Variants in STK32B observed in about 807,000 individuals in gnomAD.
The protein encoded by STK32B is serine/threonine kinase 32B, also known as serine/threonine-protein kinase 32B.
STK32B carries 43 observed loss-of-function variants against 52.6 expected under a neutral mutation model. That is an observed-to-expected ratio of 0.82 (90% CI 0.64 to 1.05). The LOEUF (loss-of-function observed/expected upper bound fraction) is 1.05, where lower values mean the gene tolerates loss of function less well. Ranked by LOEUF, STK32B falls within the 50% of genes least tolerant of loss-of-function variation. The pLI is 0.00. For synonymous variants in STK32B, 238 were observed against 204.3 expected (o/e 1.17, Z -1.41); for missense variants, 621 against 534.6 (o/e 1.16, Z -1.59).
At chr4:5,164,454 C>T (rs1301463470) in intron 2 of STK32B, among the ~76,000 whole-genome samples, 1 of 152,210 alleles carries the variant, frequency 6.6e-6, no homozygotes, top group Non-Finnish European at 1.5e-5. Context: ...AACTTAATTA[C>T]ATCTGCAAAG....
Position 5,398,351 on chromosome 4 carries a change from T to C in STK32B, c.472+107T>C, listed in dbSNP as rs963611042. On this transcript the variant is annotated intron_variant, in intron 5 of 11. Coordinates refer to ENST00000282908, the MANE Select transcript of STK32B (RefSeq NM_018401.3). The surrounding 1 kb of genome is among the most constrained non-coding windows in gnomAD (Gnocchi z 4.9). ...GTCTTGCTGAGTTGGACATTAGCATTGGCTAGAAACCTTCTCTTGTTTCAA... is the reference window on the plus strand; with the variant it reads ...GTCTTGCTGAGTTGGACATTAGCATCGGCTAGAAACCTTCTCTTGTTTCAA... 3.4e-6 allele frequency: 4 copies of C among 1,169,992 alleles called. No homozygotes were observed. In the East Asian group the frequency reaches 9.4e-5, roughly 28 times the overall value. 72.5% of individuals were successfully genotyped at this position (1,169,992 alleles called of 1,614,324 possible).
intron 3 of STK32B, among the ~76,000 whole-genome samples, chr4:5,276,980 T>A (rs1252810545): frequency 1.3e-5 from 2 of 152,212 alleles, no homozygotes; most frequent in Admixed American, 1.3e-4. Flanking sequence ...TTGGACTGGT[T>A]CCCACTGAAG....
chr4:5,216,716 C>T (rs1422199651), intron 3 of STK32B, among the ~76,000 whole-genome samples: 1 of 152,178 alleles, frequency 6.6e-6, no homozygotes, highest in Non-Finnish European at 1.5e-5. Context: ...GCTGAAGGAG[C>T]TGGAGGTGCC....
intron 4 of STK32B, among the ~76,000 whole-genome samples, chr4:5,393,637 A>T (rs1736712290): frequency 6.6e-6 from 1 of 152,138 alleles, no homozygotes; most frequent in Admixed American, 6.5e-5. Flanking sequence ...ACACTTTTAA[A>T]CAACCACAAC....
chr4:5,468,158 A>T (rs947796848), intron 11 of STK32B, 88 bp downstream of exon 11: 12 of 1,385,668 alleles, frequency 8.7e-6, no homozygotes, highest in African/African-American at 2.8e-5. Flanking sequence ...CTGCCCCCCA[A>T]ACCGGCCTTG....
chr4:5,170,561 G>A (rs1719288316), intron 3 of STK32B, among the ~76,000 whole-genome samples: 1 of 151,920 alleles, frequency 6.6e-6, no homozygotes, highest in African/African-American at 2.4e-5. Context: ...CATGCAGTGT[G>A]TGGTTTCTTG....
chr4:5,286,359 G>C (rs993269840), intron 3 of STK32B, among the ~76,000 whole-genome samples: 1 of 152,176 alleles, frequency 6.6e-6, no homozygotes, highest in African/African-American at 2.4e-5. Flanking sequence ...CTATGGAGAA[G>C]TGCACAAATG....
intron 2 of STK32B, among the ~76,000 whole-genome samples, chr4:5,165,049 G>C (rs1465347539): frequency 6.6e-6 from 1 of 152,138 alleles, no homozygotes. Flanking sequence ...CCTGACTCCT[G>C]GTGTAGCTCT....
intron 3 of STK32B, among the ~76,000 whole-genome samples, chr4:5,197,994 C>G (rs1721824236): frequency 6.6e-6 from 1 of 151,840 alleles, no homozygotes; most frequent in Non-Finnish European, 1.5e-5. Context: ...TTAGAATTCA[C>G]TGCATTTTTT....
intron 3 of STK32B, among the ~76,000 whole-genome samples, chr4:5,236,043 G>A (rs1341224391): frequency 6.6e-6 from 1 of 152,220 alleles, no homozygotes; most frequent in African/African-American, 2.4e-5. Flanking sequence ...GGGGGTGGGT[G>A]TCTGCAGGGG....
chr4:5,202,618 AG>A (rs1560221734), intron 3 of STK32B, among the ~76,000 whole-genome samples: 1 of 152,246 alleles, frequency 6.6e-6, no homozygotes, highest in African/African-American at 2.4e-5. Flanking sequence ...CTGGACACCC[AG>A]GCATTTCCAT....
chr4:5,062,093 T>A (rs561005980), intron 1 of STK32B, among the ~76,000 whole-genome samples: 1 of 152,312 alleles, frequency 6.6e-6, no homozygotes, highest in South Asian at 2.1e-4. Context: ...CCTCAGTATT[T>A]ATCTGTACAC....
At position 5,122,417 on chromosome 4, in the gene STK32B, T is replaced by C. The variant is rs111066720; in HGVS notation, c.53-17488T>C. 8.9e-3 allele frequency among the ~76,000 whole-genome samples: 1,347 copies of C among 152,156 alleles called. 16 individuals are homozygous for C. Among genetic ancestry groups the C allele is most frequent in the African/African-American group, 0.027 (1,138 of 41,516 alleles). ...ATTCATTCACTCACTCACTCATTCA[T>C]TCACTCATTAACCTACTTCACTCAT... is the stretch of plus-strand genomic sequence containing the variant. On this transcript the variant is annotated intron_variant, in intron 1 of 11. Coordinates refer to ENST00000282908, the MANE Select transcript of STK32B (RefSeq NM_018401.3).
intron 4 of STK32B, among the ~76,000 whole-genome samples, chr4:5,374,934 G>A (rs1438852568): frequency 6.6e-6 from 1 of 152,206 alleles, no homozygotes; most frequent in Non-Finnish European, 1.5e-5. Flanking sequence ...AGATTAGCAA[G>A]CGTCCAAAGT....
chr4:5,346,294 C>T (rs1473058036), intron 4 of STK32B, among the ~76,000 whole-genome samples: 2 of 152,144 alleles, frequency 1.3e-5, no homozygotes, highest in African/African-American at 2.4e-5. Flanking sequence ...AAAGGCTCAT[C>T]GCTCATTTAA....
At chr4:5,463,776 C>T (rs1717217902) in intron 9 of STK32B, among the ~76,000 whole-genome samples, 1 of 152,256 alleles carries the variant, frequency 6.6e-6, no homozygotes, top group African/African-American at 2.4e-5. Context: ...TTGCACAGGC[C>T]GCTTTCTCTT....
At position 5,446,715 on chromosome 4, in the gene STK32B, A is replaced by G. The variant is rs1326373944; in HGVS notation, c.605A>G (p.Tyr202Cys). 1 of 1,613,822 alleles carries G rather than the reference A, an allele frequency of 6.2e-7. No homozygotes were observed. The highest frequency in any genetic ancestry group is 8.5e-7 in the Non-Finnish European group (1 of 1,179,990). Residue 202 changes from tyrosine (Y) to cysteine (C), a missense_variant, in exon 7 of 12, where the codon TAC becomes TGC. Tyr to Cys is a radical substitution (Grantham distance 194). Coordinates refer to ENST00000282908, the MANE Select transcript of STK32B (RefSeq NM_018401.3). ...FQVYMDRGPG[Y>C]SYPVDWWSLG... ...GTGTACATGGACAGAGGCCCCGGAT[A>G]CTCGTACCCTGTCGACTGGTGGTCC...
chr4:5,093,359 T>G (rs906622367), intron 1 of STK32B, among the ~76,000 whole-genome samples: 3 of 152,190 alleles, frequency 2.0e-5, no homozygotes, highest in African/African-American at 7.2e-5. Flanking sequence ...TGCATGAAAC[T>G]TAGTATATAT....
rs190512147 is a variant in STK32B at position 5,404,022 on chromosome 4, G to A, written c.472+5778G>A. Among the ~76,000 whole-genome samples the A allele has an allele frequency of 2.6e-5, 4 of 152,198 alleles. No homozygotes were observed. In the East Asian group the frequency reaches 5.8e-4, roughly 22 times the overall value. On this transcript the variant is annotated intron_variant, in intron 5 of 11. Coordinates refer to ENST00000282908, the MANE Select transcript of STK32B (RefSeq NM_018401.3). ...GTAGTGAGATTCTTTCCAGCGAGCT[G>A]CCAGAAATGGGGTTTCTGCTGCAGC...
Sources: gnomAD v4.1 joint callset for allele counts (sites outside exome capture counted in the v4.1 genomes callset) on GRCh38, gnomAD v4.1.1 for gene constraint, Gnocchi (gnomAD v3.1) non-coding constraint, MANE v1.5 for transcripts, NCBI Gene and HGNC (gene_info 2026-07-23, HGNC 2026-07-21) for gene names.